Variants in FRAS1 observed in about 807,000 individuals in gnomAD.
FRAS1 encodes extracellular matrix organizing protein FRAS1.
A neutral mutation model predicts 435.2 loss-of-function variants in FRAS1; 290 were observed. The ratio of observed to expected loss-of-function variants is 0.67; its 90% CI spans 0.61 to 0.73. FRAS1 has a LOEUF of 0.73. Ranked by LOEUF, FRAS1 falls within the 30% of genes least tolerant of loss-of-function variation. The probability of loss-of-function intolerance (pLI) is 0.00; values close to 1 mark genes in which losing one functional copy is unlikely to be tolerated. For synonymous variants in FRAS1, 1,800 were observed against 1,851.0 expected (o/e 0.97, Z 0.71); for missense variants, 4,860 against 5,001.5 (o/e 0.97, Z 0.85).
intron 2 of FRAS1, among the ~76,000 whole-genome samples, chr4:78,119,445 C>T (rs1385516880): frequency 6.6e-6 from 1 of 152,142 alleles, no homozygotes; most frequent in Non-Finnish European, 1.5e-5. Context: ...GTTTCACTTT[C>T]TGTTCCTGGC....
At chr4:78,118,281 AC>A (rs1446004340) in intron 2 of FRAS1, among the ~76,000 whole-genome samples, 1 of 152,096 alleles carries the variant, frequency 6.6e-6, no homozygotes, top group Non-Finnish European at 1.5e-5. Context: ...GGGACCAGGG[AC>A]CCACTTGAGG....
Position 78,516,024 on chromosome 4 carries a change from C to T in FRAS1, c.10389+11C>T, listed in dbSNP as rs74632598. On this transcript the variant is annotated intron_variant, in intron 66 of 73. Coordinates refer to ENST00000512123, the MANE Select transcript of FRAS1 (RefSeq NM_025074.7). ...ACCGCTGACTTCCAGGTAGGTGCCC[C>T]GGGGCTTGTCTGAGGACTCTGCATA... 289,544 of 1,604,770 alleles carry T rather than the reference C, an allele frequency of 0.18. 29,319 individuals are homozygous for T. Among genetic ancestry groups the T allele is most frequent in the Non-Finnish European group, 0.21 (249,264 of 1,174,304 alleles).
chr4:78,304,284 C>A (rs551017407), intron 14 of FRAS1, among the ~76,000 whole-genome samples: 1,594 of 152,244 alleles, frequency 0.01, 20 homozygotes, highest in African/African-American at 0.037. Flanking sequence ...ATTTTTGCAT[C>A]AATGTTCATC....
At chr4:78,473,957 C>T (rs1719788792) in intron 53 of FRAS1, among the ~76,000 whole-genome samples, 1 of 152,182 alleles carries the variant, frequency 6.6e-6, no homozygotes. Context: ...ACGATGTGCT[C>T]TACTGCTGCT....
Position 78,077,197 on chromosome 4 carries a change from A to AACACACACACACACACACACAC in FRAS1, c.108+11183_108+11204dup, listed in dbSNP as rs10535451. On this transcript the variant is annotated intron_variant, in intron 2 of 73. Transcript: ENST00000512123. ...AAGATTCCATCTCCAGACACACAGA[A>AACACACACACACACACACACAC]ACACACACACACACACACACACATT... Among the ~76,000 whole-genome samples, 68 of 150,048 alleles carry AACACACACACACACACACACAC rather than the reference A, an allele frequency of 4.5e-4. 1 individual carries two copies. Among genetic ancestry groups the AACACACACACACACACACACAC allele is most frequent in the African/African-American group, 1.5e-3 (62 of 40,812 alleles).
intron 30 of FRAS1, among the ~76,000 whole-genome samples, chr4:78,406,603 G>A (rs543593507): frequency 2.6e-5 from 4 of 152,296 alleles, no homozygotes; most frequent in Admixed American, 2.0e-4. Context: ...TCTACAATAT[G>A]TGGGAATTCT....
chr4:78,187,458 C>T (rs1369444243), intron 2 of FRAS1, among the ~76,000 whole-genome samples: 1 of 152,168 alleles, frequency 6.6e-6, no homozygotes, highest in Non-Finnish European at 1.5e-5. Flanking sequence ...AGCCTCAGGC[C>T]TCAGGTGTCC....
intron 41 of FRAS1, chr4:78,444,023 T>C (rs1348436605): frequency 2.3e-5 from 8 of 344,690 alleles, no homozygotes; most frequent in African/African-American, 1.8e-4. Flanking sequence ...AAATTTTTGG[T>C]GGGGTAATTT....
chr4:78,444,180 A>G (rs1405319263), intron 41 of FRAS1: 2 of 455,846 alleles, frequency 4.4e-6, no homozygotes, highest in Admixed American at 4.7e-5. Flanking sequence ...TTTGACTCAA[A>G]TAAAGAAGCC....
chr4:78,536,126 C>T (rs1721872713), intron 71 of FRAS1, among the ~76,000 whole-genome samples: 1 of 151,472 alleles, frequency 6.6e-6, no homozygotes, highest in South Asian at 2.1e-4. Flanking sequence ...GTGCCATAGC[C>T]GACACATAGG....
chr4:78,540,756 C>G lies in FRAS1; in HGVS notation c.11671C>G (p.Gln3891Glu). The change falls in exon 74 of 74, where the codon CAA (glutamine) becomes GAA (glutamate). Residue 3891 changes from glutamine to glutamate, a missense_variant. Transcript: ENST00000512123. ...TATGAAGTCCCTGAATCTGGAGATG[C>G]AAGAGTTGGCGGTAGCTGCGTCCCT... ...TNMKSLNLEM[Q>E]ELAVAASLSQ... is the part of the protein sequence containing the mutation. 6.2e-7 allele frequency: 1 copy of G among 1,613,796 alleles called. No individual in the cohort carries two copies. Among genetic ancestry groups the G allele is most frequent in the Non-Finnish European group, 8.5e-7 (1 of 1,179,772 alleles).
intron 64 of FRAS1, among the ~76,000 whole-genome samples, chr4:78,513,154 A>G (rs1288912270): frequency 1.3e-5 from 2 of 151,994 alleles, no homozygotes; most frequent in African/African-American, 2.4e-5. Context: ...TAGAAAAAAA[A>G]TCTATAATTC....
chr4:78,076,582 T>C (rs1740652257), intron 2 of FRAS1, among the ~76,000 whole-genome samples: 1 of 152,216 alleles, frequency 6.6e-6, no homozygotes, highest in Admixed American at 6.5e-5. Context: ...ATATTATTGT[T>C]TGCTTCTAGG....
intron 2 of FRAS1, among the ~76,000 whole-genome samples, chr4:78,184,890 G>GA (rs1273379623): frequency 6.6e-6 from 1 of 152,218 alleles, no homozygotes; most frequent in African/African-American, 2.4e-5. Context: ...AAATAACTGG[G>GA]AAAAAGTTTA....
At chr4:78,188,014 T>A (rs1722347472) in intron 2 of FRAS1, among the ~76,000 whole-genome samples, 1 of 152,180 alleles carries the variant, frequency 6.6e-6, no homozygotes, top group Non-Finnish European at 1.5e-5. Flanking sequence ...ACCTTAAGAA[T>A]CTGGTACTAA....
intron 20 of FRAS1, 124 bp from the exon 21 acceptor site, chr4:78,363,389 G>C: frequency 1.1e-6 from 1 of 932,696 alleles, no homozygotes; most frequent in Non-Finnish European, 1.6e-6. Context: ...CACTGCCTTT[G>C]GGCTACTCTC....
At chr4:78,166,566 C>T (rs991824381) in intron 2 of FRAS1, among the ~76,000 whole-genome samples, 1 of 152,098 alleles carries the variant, frequency 6.6e-6, no homozygotes, top group Admixed American at 6.6e-5. Context: ...GAAATTGTAT[C>T]TTTACTATAG....
intron 44 of FRAS1, among the ~76,000 whole-genome samples, chr4:78,449,509 G>A (rs75174797): frequency 0.026 from 3,942 of 152,134 alleles, 169 homozygotes; most frequent in African/African-American, 0.09. Context: ...CTACTTTACC[G>A]GGATTTACTA....
intron 2 of FRAS1, among the ~76,000 whole-genome samples, chr4:78,211,463 A>T (rs1257089334): frequency 4.6e-5 from 7 of 152,170 alleles, no homozygotes; most frequent in Non-Finnish European, 8.8e-5. Flanking sequence ...CTTTGAACTT[A>T]TGTGCTCATT....
Sources: allele counts gnomAD v4.1 joint callset (sites outside exome capture counted in the v4.1 genomes callset), GRCh38; gene constraint gnomAD v4.1.1; transcripts MANE v1.5; gene names NCBI Gene and HGNC (gene_info 2026-07-23, HGNC 2026-07-21).